Variants in ATP2B2 observed in about 807,000 individuals in gnomAD.
ATP2B2 encodes the protein ATPase plasma membrane Ca2+ transporting 2, also known as plasma membrane calcium-transporting ATPase 2.
Under a neutral mutation model 120.0 loss-of-function variants are expected in ATP2B2, and 15 were observed. The observed-to-expected ratio is 0.12, with a 90% CI of 0.08 to 0.19. The LOEUF (loss-of-function observed/expected upper bound fraction) is 0.19. Ranked by LOEUF, ATP2B2 falls within the 10% of genes least tolerant of loss-of-function variation. The pLI is 1.00. For missense variants in ATP2B2, 1,045 were observed against 1,719.8 expected, an observed-to-expected ratio of 0.61 and a Z score of 6.94; for synonymous variants, 694 against 700.3, an observed-to-expected ratio of 0.99 and a Z score of 0.14.
intron 5 of ATP2B2, among the ~76,000 whole-genome samples, chr3:10,395,672 T>G (rs1157802837): frequency 2.0e-5 from 3 of 152,204 alleles, no homozygotes; most frequent in Non-Finnish European, 4.4e-5. Context: ...AGGTCAGAGT[T>G]TGCACTCTAG....
At chr3:10,404,941 T>C (rs1360438526) in intron 3 of ATP2B2, among the ~76,000 whole-genome samples, 1 of 152,194 alleles carries the variant, frequency 6.6e-6, no homozygotes, top group Non-Finnish European at 1.5e-5. Context: ...AAGGCTGTTA[T>C]TTCCCCTGCT....
chr3:10,401,539 C>A (rs568424842), intron 4 of ATP2B2, among the ~76,000 whole-genome samples: 1 of 152,168 alleles, frequency 6.6e-6, no homozygotes, highest in East Asian at 1.9e-4. Context: ...TCCAATCTCT[C>A]CCCTACCTTC....
chr3:10,685,565 C>A (rs2071500031), intron 1 of ATP2B2, among the ~76,000 whole-genome samples: 1 of 152,082 alleles, frequency 6.6e-6, no homozygotes, highest in Admixed American at 6.5e-5. Context: ...TGTGCAGGAC[C>A]ACACACTCCT....
At chr3:10,457,644 G>C (rs2064319227) in intron 1 of ATP2B2, among the ~76,000 whole-genome samples, 2 of 152,118 alleles carry the variant, frequency 1.3e-5, no homozygotes, top group South Asian at 4.1e-4. Context: ...TGATGTGTGA[G>C]TGTCTGTGTA....
intron 1 of ATP2B2, among the ~76,000 whole-genome samples, chr3:10,646,475 G>A (rs374606620): frequency 4.9e-4 from 74 of 152,208 alleles, no homozygotes; most frequent in African/African-American, 1.5e-3. Context: ...TGACGTTTGC[G>A]ATTCCTCTTT....
chr3:10,555,930 G>T (rs1012474831), intron 2 of ATP2B2, among the ~76,000 whole-genome samples: 1 of 152,258 alleles, frequency 6.6e-6, no homozygotes, highest in African/African-American at 2.4e-5. Flanking sequence ...ATGGAGTCTT[G>T]CTCTGTCACC....
chr3:10,341,646 G>A (rs1035236238), intron 19 of ATP2B2, among the ~76,000 whole-genome samples: 1 of 152,120 alleles, frequency 6.6e-6, no homozygotes, highest in African/African-American at 2.4e-5. Context: ...GAGTAAAGTG[G>A]TGCCAGGAGG....
intron 1 of ATP2B2, among the ~76,000 whole-genome samples, chr3:10,654,064 T>C (rs1464450946): frequency 6.6e-6 from 1 of 152,206 alleles, no homozygotes; most frequent in Non-Finnish European, 1.5e-5. Flanking sequence ...TTAGGCATTC[T>C]GTACTCATTC....
At chr3:10,384,281 G>A (rs2061610230) in intron 8 of ATP2B2, among the ~76,000 whole-genome samples, 1 of 152,164 alleles carries the variant, frequency 6.6e-6, no homozygotes, top group African/African-American at 2.4e-5. Context: ...TAATGGATGA[G>A]AAACCCACAG....
At chr3:10,695,115 T>C (rs1051955933) in intron 1 of ATP2B2, among the ~76,000 whole-genome samples, 1 of 152,000 alleles carries the variant, frequency 6.6e-6, no homozygotes, top group African/African-American at 2.4e-5. Context: ...TACCCAAGAC[T>C]GGGCAATTTA....
chr3:10,472,412 C>T (rs1448476948), intron 1 of ATP2B2, among the ~76,000 whole-genome samples: 1 of 152,212 alleles, frequency 6.6e-6, no homozygotes, highest in Non-Finnish European at 1.5e-5. Flanking sequence ...AGACCTCTTG[C>T]TGGGGGGACG....
intron 2 of ATP2B2, among the ~76,000 whole-genome samples, chr3:10,615,785 T>C (rs1434604): frequency 0.57 from 87,328 of 152,090 alleles, 25,771 homozygotes; most frequent in Middle Eastern, 0.63. Context: ...AGAAGCCCAT[T>C]TCAACTATCA....
chr3:10,505,305 T>G (rs2066578234), intron 1 of ATP2B2, among the ~76,000 whole-genome samples, 160 bp downstream of exon 1: 1 of 151,728 alleles, frequency 6.6e-6, no homozygotes, highest in Admixed American at 6.6e-5. Flanking sequence ...AAACAAGCCC[T>G]GCTCCCACCC....
Position 10,640,288 on chromosome 3 carries a change from G to A in ATP2B2, c.-459-20327C>T, listed in dbSNP as rs577663076. ...ATTGGGGAACTACGTCAGAGGTCAG[G>A]ACAGAAAGGACAGGGGTTTCCAGGG... is the stretch of plus-strand genomic sequence containing the variant. On this transcript the variant is annotated intron_variant, in intron 1 of 21. Transcript: ENST00000646379. Among the ~76,000 whole-genome samples the A allele has an allele frequency of 6.6e-5, 10 of 152,326 alleles. 1 individual carries two copies. The highest frequency in any genetic ancestry group is 6.5e-4 in the Admixed American group (10 of 15,308).
At chr3:10,351,708 G>C (rs1018723464) in intron 14 of ATP2B2, among the ~76,000 whole-genome samples, 2 of 152,170 alleles carry the variant, frequency 1.3e-5, no homozygotes, top group Non-Finnish European at 2.9e-5. Context: ...TAAAATGAGC[G>C]CATCACGGTA....
intron 6 of ATP2B2, among the ~76,000 whole-genome samples, chr3:10,387,515 G>A (rs961434808): frequency 6.6e-6 from 1 of 152,232 alleles, no homozygotes; most frequent in Non-Finnish European, 1.5e-5. Flanking sequence ...TGAAAGGGGG[G>A]CTATCTTTGA....
chr3:10,361,098 C>T (rs1370988637), intron 12 of ATP2B2, among the ~76,000 whole-genome samples: 1 of 152,182 alleles, frequency 6.6e-6, no homozygotes. Flanking sequence ...ATAATCTGTT[C>T]CTTTTGATTG....
At chr3:10,601,956 G>A (rs2068934581) in intron 2 of ATP2B2, among the ~76,000 whole-genome samples, 1 of 152,188 alleles carries the variant, frequency 6.6e-6, no homozygotes, top group African/African-American at 2.4e-5. Flanking sequence ...ATTAATATGG[G>A]ATTAAAGGGA....
At chr3:10,499,339 G>A (rs2066286745) in intron 1 of ATP2B2, among the ~76,000 whole-genome samples, 2 of 152,166 alleles carry the variant, frequency 1.3e-5, no homozygotes, top group African/African-American at 2.4e-5. Flanking sequence ...CGTGACAACC[G>A]GGAAGATGGG....
Sources: allele counts gnomAD v4.1 joint callset (sites outside exome capture counted in the v4.1 genomes callset), GRCh38; gene constraint gnomAD v4.1.1; transcripts MANE v1.5; gene names NCBI Gene and HGNC (gene_info 2026-07-23, HGNC 2026-07-21).